The following UBA6 variants were observed in gnomAD, a reference collection of about 807,000 sequenced individuals.
UBA6 encodes the protein ubiquitin like modifier activating enzyme 6.
In UBA6, 87 loss-of-function variants were observed where a neutral mutation model predicts 148.3. The observed-to-expected ratio is 0.59, with a 90% confidence interval of 0.49 to 0.70. The LOEUF (loss-of-function observed/expected upper bound fraction) is 0.70. UBA6 is among the 30% of genes least tolerant of loss of function. The pLI is 0.00. For synonymous variants in UBA6, 376 were observed against 401.0 expected (o/e 0.94, Z 0.75); for missense variants, 1,186 against 1,241.2 (o/e 0.96, Z 0.67).
At chr4:67,675,330 T>G (rs2109944275) in intron 6 of UBA6, among the ~76,000 whole-genome samples, 1 of 152,352 alleles carries the variant, frequency 6.6e-6, no homozygotes, top group East Asian at 1.9e-4. Flanking sequence ...TCTTTTTCAA[T>G]AGTGTCTTAT....
intron 7 of UBA6, 116 bp from the exon 8 acceptor site, chr4:67,670,708 T>C (rs1433690403): frequency 2.6e-6 from 2 of 767,912 alleles, no homozygotes; most frequent in Non-Finnish European, 4.3e-6. Context: ...ACACAACCTA[T>C]AGAATACAAA....
chr4:67,633,426 C>T lies in UBA6; in HGVS notation c.2061G>A (p.Lys687=). 2 of 1,610,398 alleles carry T rather than the reference C, an allele frequency of 1.2e-6. No individual in the cohort carries two copies. Among genetic ancestry groups the T allele is most frequent in the Non-Finnish European group, 1.7e-6 (2 of 1,179,112 alleles). Reference sequence around the variant, plus strand: ...AATTTCTAGGTCTTCTGCTAAGTAACTTTATAACTTGAAAACAGCCTTCTA... The same window carrying T: ...AATTTCTAGGTCTTCTGCTAAGTAATTTTATAACTTGAAAACAGCCTTCTA... ...HSLEGCFQVI[K]LLSRRPRNWS... is the part of the protein sequence containing the mutation. The change falls in exon 23 of 33, where the codon AAG becomes AAA. Residue 687 remains lysine, a synonymous_variant. Transcript: ENST00000322244.
At chr4:67,634,061 T>C (rs1366048868) in intron 22 of UBA6, among the ~76,000 whole-genome samples, 181 bp downstream of exon 22, 2 of 152,106 alleles carry the variant, frequency 1.3e-5, no homozygotes, top group Non-Finnish European at 2.9e-5. Context: ...GACAATTCCA[T>C]GTAGTTCAAA....
Position 67,646,026 on chromosome 4 carries a change from A to G in UBA6, c.1317-10T>C. The G allele has an allele frequency of 6.6e-7, 1 of 1,518,038 alleles. No homozygotes were observed. The highest frequency in any genetic ancestry group is 8.9e-7 in the Non-Finnish European group (1 of 1,118,974). The allele number at this position is 1,518,038 out of a possible 1,614,324, so 94.0% of individuals were successfully genotyped here. On this transcript the variant is annotated splice_polypyrimidine_tract_variant and intron_variant, in intron 15 of 32. Transcript: ENST00000322244. ...ATCATATCTATCTCCTCTGAAAAAA[A>G]TAACATATACCAAAAAGCAGAAATA...
At position 67,673,688 on chromosome 4, in the gene UBA6, T is replaced by C. The variant is rs538617194; in HGVS notation, c.546+9A>G. On this transcript the variant is annotated intron_variant, in intron 7 of 32. Transcript: ENST00000322244. ...TTAACTACATGTCATTACTAAATGATACAATTACCTTAATTGGAGGGCACT... is the reference window on the plus strand; with the variant it reads ...TTAACTACATGTCATTACTAAATGACACAATTACCTTAATTGGAGGGCACT... 7.1e-5 allele frequency: 114 copies of C among 1,595,276 alleles called. No homozygotes were observed. The highest frequency in any genetic ancestry group is 9.3e-5 in the Non-Finnish European group (108 of 1,165,048).
chr4:67,626,406 T>C lies in UBA6; in HGVS notation c.2472A>G (p.Ala824=), dbSNP rs758020002. 1.9e-6 allele frequency: 3 copies of C among 1,611,582 alleles called. No individual in the cohort carries two copies. The Admixed American group carries it at 5.0e-5, about 27-fold the overall frequency. ...VPISSEDERN[A]IFQLEKAILS... ...AAATAGCCTTTTCTAGTTGGAAAAT[T>C]GCATTCCTCTCATCTTCACTGCTAA... Residue 824 remains alanine (A), a synonymous_variant, in exon 28 of 33, where the codon GCA becomes GCG. Coordinates refer to ENST00000322244, the MANE Select transcript of UBA6 (RefSeq NM_018227.6).
chr4:67,667,790 T>C (rs1730042672), intron 9 of UBA6, among the ~76,000 whole-genome samples: 1 of 152,206 alleles, frequency 6.6e-6, no homozygotes, highest in African/African-American at 2.4e-5. Flanking sequence ...GAATGTCTAC[T>C]TTCCTCCTGG....
At chr4:67,691,083 T>C (rs1295275094) in intron 2 of UBA6, among the ~76,000 whole-genome samples, 2 of 152,098 alleles carry the variant, frequency 1.3e-5, no homozygotes, top group Non-Finnish European at 2.9e-5. Context: ...GGTCCATTTA[T>C]ATGCAGATTT....
intron 1 of UBA6, among the ~76,000 whole-genome samples, chr4:67,698,077 GC>G (rs1730883768): frequency 6.6e-6 from 1 of 152,204 alleles, no homozygotes; most frequent in African/African-American, 2.4e-5. Flanking sequence ...AGGCAAGCTT[GC>G]TCTCATTTCA....
At position 67,629,082 on chromosome 4, in the gene UBA6, G is replaced by C. The variant is rs749283216; in HGVS notation, c.2389C>G (p.Pro797Ala). The C allele has an allele frequency of 1.4e-5, 22 of 1,607,504 alleles. No individual in the cohort carries two copies. Among genetic ancestry groups the C allele is most frequent in the Non-Finnish European group, 1.7e-5 (20 of 1,174,890 alleles). Residue 797 changes from proline to alanine, a missense_variant, in exon 27 of 33, where the codon CCT (proline) becomes GCT (alanine). Pro to Ala is a conservative substitution (Grantham distance 27). Transcript: ENST00000322244. ...TTTTTTAAACATACCTTATTGGAAG[G>C]CTTGAATTCCTGAATCTTTACTTCT... is the stretch of plus-strand genomic sequence containing the variant. The part of the protein sequence containing the change: ...LSEVKIQEFK[P>A]SNKVVQTDET...
At chr4:67,628,358 T>A (rs1577790644) in intron 27 of UBA6, among the ~76,000 whole-genome samples, 1 of 151,948 alleles carries the variant, frequency 6.6e-6, no homozygotes, top group African/African-American at 2.4e-5. Flanking sequence ...TATTCTCTTC[T>A]AGACGAGTCC....
At chr4:67,631,570 G>T (rs1577793116) in intron 25 of UBA6, 138 bp downstream of exon 25, 1 of 652,780 alleles carries the variant, frequency 1.5e-6, no homozygotes, top group East Asian at 2.9e-5. Flanking sequence ...AGAATGACTT[G>T]TTAACTCTTA....
Position 67,649,133 on chromosome 4 carries a change from C to G in UBA6, c.1183G>C (p.Gly395Arg). 1 of 1,614,048 alleles carries G rather than the reference C, an allele frequency of 6.2e-7. No individual in the cohort carries two copies. The highest frequency in any genetic ancestry group is 8.5e-7 in the Non-Finnish European group (1 of 1,179,958). Residue 395 changes from glycine to arginine, a missense_variant, in exon 14 of 33, where the codon GGA (glycine) becomes CGA (arginine). Physicochemically the swap from Gly to Arg is moderately radical, Grantham distance 125. Coordinates refer to ENST00000322244, the MANE Select transcript of UBA6 (RefSeq NM_018227.6). ...GFLSPLAAAVGGVASQEVLKA... is the reference protein window; with the variant it reads ...GFLSPLAAAVRGVASQEVLKA... ...AATACTTCTTGGCTGGCAACACCTCCTACTGCTGCAGCAAGTGGAGATAAA... is the reference window on the plus strand; with the variant it reads ...AATACTTCTTGGCTGGCAACACCTCGTACTGCTGCAGCAAGTGGAGATAAA...
chr4:67,645,284 G>GC (rs1729396461), intron 16 of UBA6, among the ~76,000 whole-genome samples: 1 of 152,102 alleles, frequency 6.6e-6, no homozygotes, highest in African/African-American at 2.4e-5. Flanking sequence ...AAATTTCCCT[G>GC]CCAATGCACT....
chr4:67,619,254 C>G, intron 32 of UBA6, 122 bp from the exon 33 acceptor site: 1 of 697,940 alleles, frequency 1.4e-6, no homozygotes, highest in Non-Finnish European at 2.4e-6. Context: ...TAATAATAAT[C>G]TGCTTTCACA....
intron 14 of UBA6, among the ~76,000 whole-genome samples, chr4:67,648,467 CAAAAAAAA>C (rs575104020): frequency 9.6e-6 from 1 of 104,354 alleles, no homozygotes; most frequent in Non-Finnish European, 2.0e-5. Context: ...GACTCTGTCT[CAAAAAAAA>C]AAAAAAATTA....
chr4:67,655,762 G>C (rs956936857), intron 13 of UBA6, among the ~76,000 whole-genome samples: 35 of 152,132 alleles, frequency 2.3e-4, no homozygotes, highest in African/African-American at 8.4e-4. Context: ...CTGGTGTTTT[G>C]AAAAGATCAA....
chr4:67,683,607 C>T (rs1730492495), intron 2 of UBA6, among the ~76,000 whole-genome samples: 1 of 150,500 alleles, frequency 6.6e-6, no homozygotes, highest in African/African-American at 2.5e-5. Flanking sequence ...GCTATCATTA[C>T]TGTTAGTGGA....
intron 13 of UBA6, among the ~76,000 whole-genome samples, chr4:67,651,437 A>C (rs980177427): frequency 2.8e-4 from 42 of 152,286 alleles, no homozygotes; most frequent in African/African-American, 9.4e-4. Context: ...ATGAAGACAA[A>C]GATTAAACAC....
Sources: gnomAD v4.1 joint callset for allele counts (sites outside exome capture counted in the v4.1 genomes callset) on GRCh38, gnomAD v4.1.1 for gene constraint, MANE v1.5 for transcripts, NCBI Gene and HGNC (gene_info 2026-07-23, HGNC 2026-07-21) for gene names.